Variants in TRIO observed in about 807,000 individuals in gnomAD.
TRIO encodes the protein triple functional domain protein.
A neutral mutation model predicts 351.9 loss-of-function variants in TRIO; 58 were observed. The ratio of observed to expected loss-of-function variants is 0.16; its 90% CI spans 0.13 to 0.21. The LOEUF (loss-of-function observed/expected upper bound fraction) is 0.21. TRIO is among the 10% of genes least tolerant of loss of function. The probability of loss-of-function intolerance (pLI) is 1.00; values close to 1 mark genes in which losing one functional copy is unlikely to be tolerated. For missense variants in TRIO, 3,201 were observed against 4,027.8 expected, an observed-to-expected ratio of 0.79 and a Z score of 5.56; for synonymous variants, 1,758 against 1,595.7, an observed-to-expected ratio of 1.10 and a Z score of -2.42.
Position 14,471,576 on chromosome 5 carries a change from C to T in TRIO, c.5912+110C>T. 4.2e-6 allele frequency: 6 copies of T among 1,426,000 alleles called. No homozygotes were observed. The Admixed American group carries it at 1.2e-4, about 29-fold the overall frequency. The allele number at this position is 1,426,000 out of a possible 1,614,324, so 88.3% of individuals were successfully genotyped here. A position where few individuals can be genotyped will look rare whatever the true frequency, so the allele number is the denominator to read the frequency against. Reference sequence around the variant, plus strand: ...TCTGAATTACCGAGATGAGAAGCTCCAGGGCCTCTCATTAAGTAACTGCAC... The same window carrying T: ...TCTGAATTACCGAGATGAGAAGCTCTAGGGCCTCTCATTAAGTAACTGCAC... On this transcript the variant is annotated intron_variant, in intron 38 of 56. Transcript: ENST00000344204.
At chr5:14,327,468 A>G (rs900511386) in intron 9 of TRIO, among the ~76,000 whole-genome samples, 2 of 152,106 alleles carry the variant, frequency 1.3e-5, no homozygotes, top group East Asian at 3.9e-4. Flanking sequence ...CTGGCCAGAA[A>G]CAAATTTTTA....
intron 8 of TRIO, among the ~76,000 whole-genome samples, chr5:14,315,442 G>A (rs1423665623): frequency 1.2e-4 from 18 of 152,008 alleles, no homozygotes; most frequent in African/African-American, 3.6e-4. Context: ...TAGTAGAGAC[G>A]GGGTTTCACC....
chr5:14,489,048 T>A, intron 48 of TRIO: 1 of 765,332 alleles, frequency 1.3e-6, no homozygotes. Flanking sequence ...GCCTGGCCCG[T>A]AACACTTTCC....
chr5:14,256,848 T>C (rs1051770508), intron 1 of TRIO, among the ~76,000 whole-genome samples: 4 of 152,238 alleles, frequency 2.6e-5, no homozygotes, highest in African/African-American at 9.6e-5. Context: ...CCATCTGGCC[T>C]GGCTTTTGCA....
intron 8 of TRIO, among the ~76,000 whole-genome samples, chr5:14,312,464 A>G (rs1368173967): frequency 6.6e-6 from 1 of 152,220 alleles, no homozygotes; most frequent in African/African-American, 2.4e-5. Context: ...TCTTTGTAAT[A>G]TGTAACTTTG....
At chr5:14,194,285 A>AT (rs1790629706) in intron 1 of TRIO, among the ~76,000 whole-genome samples, 1 of 152,140 alleles carries the variant, frequency 6.6e-6, no homozygotes, top group Non-Finnish European at 1.5e-5. Flanking sequence ...GTGGGAGTAG[A>AT]TTGTTTTCTT....
At chr5:14,402,464 T>C (rs902984725) in intron 31 of TRIO, among the ~76,000 whole-genome samples, 4 of 152,214 alleles carry the variant, frequency 2.6e-5, no homozygotes, top group African/African-American at 9.6e-5. Context: ...ATTTCAGGGA[T>C]TGCTGCATGG....
intron 1 of TRIO, among the ~76,000 whole-genome samples, chr5:14,216,079 A>G (rs1157949928): frequency 6.6e-6 from 1 of 152,186 alleles, no homozygotes; most frequent in Admixed American, 6.5e-5. Context: ...ATTCAGTGAG[A>G]TAATCCATGC....
chr5:14,510,057 GTTTCT>G lies in TRIO; in HGVS notation c.*1639_*1643del, dbSNP rs1338790642. 1.3e-5 allele frequency: 2 copies of G among 152,018 alleles called. No individual in the cohort carries two copies. Among genetic ancestry groups the G allele is most frequent in the African/African-American group, 2.4e-5 (1 of 41,394 alleles). The allele number at this position is 152,018 out of a possible 1,614,324, so 9.4% of individuals were successfully genotyped here. A position where few individuals can be genotyped will look rare whatever the true frequency, so the allele number is the denominator to read the frequency against. ...ACCTCATAATTTTTATTTGTGTATT[GTTTCT>G]TTTATTATTTCAGTTAAATTTTTAC... On this transcript the variant is annotated 3_prime_UTR_variant, in exon 57 of 57. Transcript: ENST00000344204.
At position 14,472,740 on chromosome 5, in the gene TRIO, C is replaced by A. The variant is rs1754781314; in HGVS notation, c.5979+82C>A. ...AGTATCGTTTTAGACAGTTGAACAC[C>A]TCTCAAAAGCTTTAAAAACATTTTT... is the stretch of plus-strand genomic sequence containing the variant. On this transcript the variant is annotated intron_variant, in intron 39 of 56. Coordinates refer to ENST00000344204, the MANE Select transcript of TRIO (RefSeq NM_007118.4). 2.2e-6 allele frequency: 3 copies of A among 1,385,464 alleles called. No individual in the cohort carries two copies. The East Asian group carries it at 7.1e-5, about 33-fold the overall frequency. The allele number at this position is 1,385,464 out of a possible 1,614,324, so 85.8% of individuals were successfully genotyped here.
chr5:14,346,081 C>A (rs1742389918), intron 11 of TRIO, among the ~76,000 whole-genome samples: 1 of 152,164 alleles, frequency 6.6e-6, no homozygotes, highest in South Asian at 2.1e-4. Flanking sequence ...AGAGTTTTGC[C>A]AGGACAGCTT....
At chr5:14,405,614 TAGTC>T (rs1210505417) in intron 31 of TRIO, among the ~76,000 whole-genome samples, 2 of 152,190 alleles carry the variant, frequency 1.3e-5, no homozygotes, top group African/African-American at 2.4e-5. Context: ...ATTATTGCAA[TAGTC>T]AGAGATCTGG....
rs559162543 is a variant in TRIO, at chr5:14,486,828, G to A, written c.6836-636G>A. 1.3e-3 allele frequency among the ~76,000 whole-genome samples: 202 copies of A among 152,236 alleles called. No individual in the cohort carries two copies. The Middle Eastern group carries it at 0.017, about 13-fold the overall frequency. ...TGTAGACTGCCTCTGGCTCCTCAAC[G>A]CTTGCTCACACATGCCTGGGGCTGG... On this transcript the variant is annotated intron_variant, in intron 47 of 56. Transcript: ENST00000344204.
At chr5:14,339,559 G>C (rs1439922207) in intron 11 of TRIO, among the ~76,000 whole-genome samples, 1 of 152,122 alleles carries the variant, frequency 6.6e-6, no homozygotes, top group Non-Finnish European at 1.5e-5. Flanking sequence ...AGAGAAACTG[G>C]CATGTTTTCC....
intron 1 of TRIO, among the ~76,000 whole-genome samples, chr5:14,211,396 A>G (rs757552501): frequency 6.6e-6 from 1 of 152,242 alleles, no homozygotes; most frequent in Non-Finnish European, 1.5e-5. Context: ...ATGGCTTGCT[A>G]ACTTTAAATG....
chr5:14,419,851 G>A lies in TRIO; in HGVS notation c.5033G>A (p.Arg1678Gln), dbSNP rs936180723. 5.0e-6 allele frequency: 8 copies of A among 1,614,206 alleles called. No individual in the cohort carries two copies. The highest frequency in any genetic ancestry group is 5.9e-6 in the Non-Finnish European group (7 of 1,180,018). ...TACNSNELTI[R>Q]RGQTVEVLER... ...TGCAACAGCAACGAGCTGACCATCC[G>A]ACGGGGCCAGACCGTGGAAGTTCTG... Residue 1678 changes from arginine (R) to glutamine (Q), a missense_variant, in exon 34 of 57, where the codon CGA becomes CAA. Arg to Gln is a conservative substitution (Grantham distance 43). Around this residue, in one of 19 missense-constraint regions of TRIO, gnomAD observed 136 missense variants for 229.5 expected, o/e 0.59. Transcript: ENST00000344204.
chr5:14,362,247 A>G (rs752091163), intron 13 of TRIO, among the ~76,000 whole-genome samples: 7 of 152,262 alleles, frequency 4.6e-5, no homozygotes, highest in Non-Finnish European at 5.9e-5. Context: ...GCTGTGCTAT[A>G]GTATTTTAGA....
chr5:14,316,864 GC>G (rs1581603174), intron 9 of TRIO, 121 bp downstream of exon 9: 2 of 1,181,030 alleles, frequency 1.7e-6, no homozygotes, highest in Non-Finnish European at 2.4e-6. Context: ...AAGGAGAGGA[GC>G]TTTTTTGTTG....
chr5:14,405,712 T>G (rs1399649908), intron 31 of TRIO, 136 bp from the exon 32 acceptor site: 1 of 1,011,534 alleles, frequency 9.9e-7, no homozygotes, highest in African/African-American at 1.6e-5. Context: ...ATATTAAACG[T>G]CGGATGTGGT....
Sources: gnomAD v4.1 joint callset for allele counts (sites outside exome capture counted in the v4.1 genomes callset) on GRCh38, gnomAD v4.1.1 for gene constraint, gnomAD v4.1.1 regional missense constraint, MANE v1.5 for transcripts, NCBI Gene and HGNC (gene_info 2026-07-23, HGNC 2026-07-21) for gene names.